Variants in CLIC5 observed in about 807,000 individuals in gnomAD.
CLIC5 encodes the protein CLIC family member 5.
A neutral mutation model predicts 24.7 loss-of-function variants in CLIC5; 20 were observed. The ratio of observed to expected loss-of-function variants is 0.81; its 90% CI spans 0.57 to 1.18. CLIC5 has a LOEUF of 1.18. Among genes scored for constraint, CLIC5 ranks in the 50% most tolerant of loss-of-function variants. The pLI is 0.00. For missense variants in CLIC5, 341 were observed against 326.1 expected (o/e 1.05, Z -0.35); for synonymous variants, 159 against 135.6 (o/e 1.17, Z -1.20).
At chr6:45,890,022 C>T (rs1762336141) in intron 6 of CLIC5, among the ~76,000 whole-genome samples, 1 of 152,154 alleles carries the variant, frequency 6.6e-6, no homozygotes, top group Non-Finnish European at 1.5e-5. Context: ...TGAAAAAATG[C>T]AAAAAACATT....
chr6:46,090,161 C>G, the CLIC5 span, among the ~76,000 whole-genome samples: 7 of 152,304 alleles, frequency 4.6e-5, no homozygotes, highest in Admixed American at 4.6e-4. Context: ...ATAATTGAAG[C>G]TGATGGCAGA....
chr6:46,119,616 G>T, the CLIC5 span, among the ~76,000 whole-genome samples: 2 of 152,252 alleles, frequency 1.3e-5, no homozygotes, highest in Non-Finnish European at 2.9e-5. Context: ...CACCGAGCAT[G>T]AGCTGAAGCA....
At chr6:45,991,538 A>G (rs555219652) in intron 1 of CLIC5, among the ~76,000 whole-genome samples, 1 of 152,378 alleles carries the variant, frequency 6.6e-6, no homozygotes, top group South Asian at 2.1e-4. Flanking sequence ...CCTGACACGT[A>G]GAAACTGTGA....
upstream of CLIC5, among the ~76,000 whole-genome samples, chr6:46,083,345 T>C (rs528503981): frequency 6.6e-6 from 1 of 152,240 alleles, no homozygotes; most frequent in Non-Finnish European, 1.5e-5. Context: ...CTTGCTTTTC[T>C]AGTTCTTTTA....
intron 1 of CLIC5, among the ~76,000 whole-genome samples, chr6:46,079,349 T>C (rs1249834901): frequency 1.3e-5 from 2 of 152,252 alleles, no homozygotes; most frequent in African/African-American, 2.4e-5. Context: ...CTTTTAAACA[T>C]GTTGACAAAG....
rs950604030 is a variant in CLIC5, at chr6:45,909,759, G to A, written c.588+4469C>T. Among the ~76,000 whole-genome samples the A allele has an allele frequency of 5.9e-5, 9 of 152,254 alleles. No homozygotes were observed. The East Asian group carries it at 1.7e-3, about 29-fold the overall frequency. On this transcript the variant is annotated intron_variant, in intron 5 of 5. Coordinates refer to ENST00000339561, the MANE Select transcript of CLIC5 (RefSeq NM_016929.5). ...CAGTTTGGTGACTATATACCTTGGT[G>A]AAGTTCATTTTGTATGGTATCTCAC...
intron 1 of CLIC5, among the ~76,000 whole-genome samples, chr6:46,003,463 G>T (rs1766432089): frequency 6.6e-6 from 1 of 152,152 alleles, no homozygotes; most frequent in African/African-American, 2.4e-5. Context: ...AAACAAGGCT[G>T]CAACTGTTTT....
At chr6:46,074,620 T>C (rs1762717355) in intron 1 of CLIC5, among the ~76,000 whole-genome samples, 1 of 152,244 alleles carries the variant, frequency 6.6e-6, no homozygotes, top group Non-Finnish European at 1.5e-5. Flanking sequence ...GCTCTGAAGC[T>C]GCAGATACTT....
intron 1 of CLIC5, among the ~76,000 whole-genome samples, chr6:45,974,707 G>T (rs1243990000): frequency 2.0e-5 from 3 of 151,830 alleles, no homozygotes; most frequent in Non-Finnish European, 4.4e-5. Flanking sequence ...TTCAAGCAAA[G>T]AAATATTTGA....
chr6:46,005,290 T>C (rs747543657), intron 1 of CLIC5, among the ~76,000 whole-genome samples: 9 of 152,238 alleles, frequency 5.9e-5, no homozygotes, highest in Middle Eastern at 3.4e-3. Flanking sequence ...CCTCTTACCA[T>C]AGAATAACGT....
chr6:45,983,894 T>C (rs1167281263), intron 1 of CLIC5, among the ~76,000 whole-genome samples: 1 of 152,202 alleles, frequency 6.6e-6, no homozygotes, highest in South Asian at 2.1e-4. Context: ...TTTCTTTATA[T>C]CTTCTCTGTC....
chr6:46,012,620 T>TA (rs1164696425), intron 1 of CLIC5, among the ~76,000 whole-genome samples: 6 of 152,312 alleles, frequency 3.9e-5, no homozygotes, highest in Non-Finnish European at 8.8e-5. Context: ...GACATATAGG[T>TA]ATTTGGAAAA....
chr6:45,924,172 G>A (rs1487256900), intron 4 of CLIC5, among the ~76,000 whole-genome samples: 5 of 152,166 alleles, frequency 3.3e-5, no homozygotes, highest in Admixed American at 1.3e-4. Context: ...AGTAAACATC[G>A]TGCTTGACTC....
intron 1 of CLIC5, among the ~76,000 whole-genome samples, chr6:45,958,435 T>TATATATATACACACACACACACACACAC (rs1561964431): frequency 1.2e-3 from 7 of 5,608 alleles, no homozygotes; most frequent in Non-Finnish European, 4.7e-3. Flanking sequence ...TATATATATA[T>TATATATATACACACACACACACACACAC]ATATATATAT....
At chr6:45,968,255 G>A (rs1765081803) in intron 1 of CLIC5, among the ~76,000 whole-genome samples, 1 of 152,102 alleles carries the variant, frequency 6.6e-6, no homozygotes, top group Non-Finnish European at 1.5e-5. Context: ...ATCTCTCAAT[G>A]CCAACTCTGA....
chr6:46,099,757 T>A, the CLIC5 span, among the ~76,000 whole-genome samples: 2 of 152,162 alleles, frequency 1.3e-5, no homozygotes, highest in African/African-American at 4.8e-5. Flanking sequence ...TAAGGGTGGA[T>A]GTGTGGATAC....
chr6:45,952,814 C>A (rs1764516424), intron 2 of CLIC5, among the ~76,000 whole-genome samples: 1 of 152,124 alleles, frequency 6.6e-6, no homozygotes, highest in Admixed American at 6.5e-5. Flanking sequence ...AGCAAACATA[C>A]AAGTCCTCTC....
At chr6:45,947,664 A>G (rs1764331643) in intron 3 of CLIC5, among the ~76,000 whole-genome samples, 1 of 152,166 alleles carries the variant, frequency 6.6e-6, no homozygotes, top group Non-Finnish European at 1.5e-5. Context: ...TCTAAACTCT[A>G]GTTATTGAAA....
intron 1 of CLIC5, among the ~76,000 whole-genome samples, chr6:46,006,015 TACACAC>T (rs370744621): frequency 1.6e-4 from 22 of 137,936 alleles, no homozygotes; most frequent in African/African-American, 5.1e-4. Flanking sequence ...TATATATATA[TACACAC>T]ATGTATAAAT....
Sources: gnomAD v4.1 joint callset for allele counts (sites outside exome capture counted in the v4.1 genomes callset) on GRCh38, gnomAD v4.1.1 for gene constraint, MANE v1.5 for transcripts, NCBI Gene and HGNC (gene_info 2026-07-23, HGNC 2026-07-21) for gene names.